Variants in ENOX1 observed in about 807,000 individuals in gnomAD.
ENOX1 encodes the protein candidate growth-related and time keeping constitutive hydroquinone (NADH) oxidase.
In ENOX1, 42 loss-of-function variants were observed where a neutral mutation model predicts 82.5. The ratio of observed to expected loss-of-function variants is 0.51; its 90% confidence interval spans 0.40 to 0.66. The LOEUF is 0.66. Among genes scored for constraint, ENOX1 ranks in the 30% least tolerant of loss-of-function variants. ENOX1 has a pLI of 0.00. For synonymous variants in ENOX1, 271 were observed against 282.2 expected, an observed-to-expected ratio of 0.96 and a Z score of 0.40; for missense variants, 608 against 811.6, an observed-to-expected ratio of 0.75 and a Z score of 3.05.
In ENOX1 at chr13:43,221,140, G is replaced by A. The variant is rs115641335; in HGVS notation, c.1800+2913C>T. On this transcript the variant is annotated intron_variant, in intron 16 of 16. Transcript: ENST00000690772. Reference sequence around the variant, plus strand: ...CCTCCAGCCTCTGTGGCCACATTACGCTGAGTCTGGTTTTCAGAACCAAAT... The same window carrying A: ...CCTCCAGCCTCTGTGGCCACATTACACTGAGTCTGGTTTTCAGAACCAAAT... Among the ~76,000 whole-genome samples, 473 of 152,210 alleles carry A rather than the reference G, an allele frequency of 3.1e-3. 3 individuals are homozygous for A. Among genetic ancestry groups the A allele is most frequent in the African/African-American group, 0.01 (426 of 41,520 alleles).
At chr13:43,671,339 G>C (rs1390369) in intron 1 of ENOX1, among the ~76,000 whole-genome samples, 19,532 of 152,176 alleles carry the variant, frequency 0.13, 2,466 homozygotes, top group African/African-American at 0.33. Flanking sequence ...AATATAGGGT[G>C]TTGGATGTAA....
intron 15 of ENOX1, among the ~76,000 whole-genome samples, chr13:43,233,718 C>A (rs1257549824): frequency 6.6e-6 from 1 of 152,120 alleles, no homozygotes; most frequent in Non-Finnish European, 1.5e-5. Context: ...CAAGAGGGCA[C>A]TGATCATCTG....
At chr13:43,265,290 G>C in intron 14 of ENOX1, 108 bp downstream of exon 14, 1 of 897,750 alleles carries the variant, frequency 1.1e-6, no homozygotes, top group Non-Finnish European at 1.7e-6. Flanking sequence ...TTAAGCTGCT[G>C]ACAGGCAGAG....
At chr13:43,338,432 A>G (rs1443695430) in intron 9 of ENOX1, among the ~76,000 whole-genome samples, 7 of 152,196 alleles carry the variant, frequency 4.6e-5, no homozygotes, top group Admixed American at 4.6e-4. Flanking sequence ...CTAGGATGCT[A>G]TCGGGATAAG....
rs1040634582 is a variant in ENOX1 at position 43,636,179 on chromosome 13, A to G, written c.-219+31300T>C. Among the ~76,000 whole-genome samples the G allele has an allele frequency of 3.3e-5, 5 of 152,220 alleles. No individual in the cohort carries two copies. The East Asian group carries it at 9.6e-4, about 29-fold the overall frequency. On this transcript the variant is annotated intron_variant, in intron 2 of 16. Transcript: ENST00000690772. Reference sequence around the variant, plus strand: ...AGTGGGCAGAGCTGATGATGGGTCAAGAGCACTGGGTCCCATGCTCATGGT... The same window carrying G: ...AGTGGGCAGAGCTGATGATGGGTCAGGAGCACTGGGTCCCATGCTCATGGT...
intron 2 of ENOX1, among the ~76,000 whole-genome samples, chr13:43,603,577 C>T (rs1317849164): frequency 6.9e-6 from 1 of 145,884 alleles, no homozygotes; most frequent in Non-Finnish European, 1.5e-5. Context: ...GTGATGTTCC[C>T]CTTCTTGTGT....
chr13:43,657,682 C>T (rs958878292), intron 2 of ENOX1, among the ~76,000 whole-genome samples: 6 of 152,206 alleles, frequency 3.9e-5, no homozygotes, highest in African/African-American at 1.4e-4. Flanking sequence ...TGGGCAGAAG[C>T]GCCTGGTAGG....
At chr13:43,368,140 AG>A (rs2050969997) in intron 5 of ENOX1, among the ~76,000 whole-genome samples, 1 of 152,258 alleles carries the variant, frequency 6.6e-6, no homozygotes, top group South Asian at 2.1e-4. Context: ...AGAGTTTCAA[AG>A]GCAGTGAGGT....
At chr13:43,766,963 A>T (rs1445342635) in intron 1 of ENOX1, among the ~76,000 whole-genome samples, 1 of 3,446 alleles carries the variant, frequency 2.9e-4, no homozygotes, top group Non-Finnish European at 7.9e-3. Context: ...GTCTCTCTTA[A>T]AAAAAAAAAA....
chr13:43,635,219 C>T (rs375668586), intron 2 of ENOX1, among the ~76,000 whole-genome samples: 2 of 152,158 alleles, frequency 1.3e-5, no homozygotes, highest in South Asian at 2.1e-4. Context: ...GAGAAAAACT[C>T]TGTAAGTAAT....
intron 1 of ENOX1, among the ~76,000 whole-genome samples, chr13:43,700,166 T>C (rs1485631112): frequency 1.3e-5 from 2 of 152,170 alleles, no homozygotes; most frequent in Non-Finnish European, 2.9e-5. Context: ...TTGAGTTTCA[T>C]AAGAATTGGG....
chr13:43,594,136 A>C (rs2072183678), intron 2 of ENOX1, among the ~76,000 whole-genome samples: 1 of 152,216 alleles, frequency 6.6e-6, no homozygotes, highest in African/African-American at 2.4e-5. Flanking sequence ...CTAGCAAGGA[A>C]GGAGAAGTTC....
chr13:43,223,617 T>A (rs540707598), intron 16 of ENOX1, among the ~76,000 whole-genome samples: 6 of 152,310 alleles, frequency 3.9e-5, no homozygotes, highest in African/African-American at 1.4e-4. Context: ...TTAATACAGC[T>A]TTCTTGAGTC....
chr13:43,573,642 A>G (rs2080284858), intron 2 of ENOX1, among the ~76,000 whole-genome samples: 1 of 152,190 alleles, frequency 6.6e-6, no homozygotes, highest in Non-Finnish European at 1.5e-5. Flanking sequence ...GCACAACACA[A>G]CACTGGCAAC....
chr13:43,676,366 C>G (rs1374148596), intron 1 of ENOX1, among the ~76,000 whole-genome samples: 5 of 152,160 alleles, frequency 3.3e-5, no homozygotes, highest in African/African-American at 1.2e-4. Flanking sequence ...GACTGGGAAG[C>G]CTGGACACTT....
At chr13:43,320,278 C>G (rs2047729518) in intron 11 of ENOX1, among the ~76,000 whole-genome samples, 1 of 152,240 alleles carries the variant, frequency 6.6e-6, no homozygotes, top group Non-Finnish European at 1.5e-5. Flanking sequence ...CTTTGAACTG[C>G]TCGGGGCCTG....
chr13:43,439,095 T>G (rs567153890), intron 3 of ENOX1, among the ~76,000 whole-genome samples: 1 of 149,196 alleles, frequency 6.7e-6, no homozygotes, highest in Admixed American at 6.8e-5. Flanking sequence ...CAAGCTGGAG[T>G]GCAGTGGTGC....
At chr13:43,567,272 T>C (rs2079961911) in intron 2 of ENOX1, among the ~76,000 whole-genome samples, 1 of 152,140 alleles carries the variant, frequency 6.6e-6, no homozygotes, top group Admixed American at 6.6e-5. Flanking sequence ...TGAATGGTTA[T>C]CAAAATACAT....
intron 3 of ENOX1, among the ~76,000 whole-genome samples, chr13:43,425,120 T>C (rs1052768311): frequency 5.9e-4 from 90 of 152,284 alleles, no homozygotes; most frequent in African/African-American, 2.0e-3. Context: ...TCCAGGAACA[T>C]ACATGATTCA....
Sources: allele counts gnomAD v4.1 joint callset (sites outside exome capture counted in the v4.1 genomes callset), GRCh38; gene constraint gnomAD v4.1.1; transcripts MANE v1.5; gene names NCBI Gene and HGNC (gene_info 2026-07-23, HGNC 2026-07-21).